The following SYT1 variants were observed in gnomAD, a reference collection of about 807,000 sequenced individuals.
The protein encoded by SYT1 is synaptotagmin 1.
SYT1 carries 8 observed loss-of-function variants against 44.8 expected under a neutral mutation model. The ratio of observed to expected loss-of-function variants is 0.18; its 90% confidence interval spans 0.10 to 0.32. The LOEUF (loss-of-function observed/expected upper bound fraction) is 0.32, where lower values mean the gene tolerates loss of function less well. SYT1 is among the 10% of genes least tolerant of loss of function. The probability of loss-of-function intolerance (pLI) is 1.00; values close to 1 mark genes in which losing one functional copy is unlikely to be tolerated. For missense variants in SYT1, 286 were observed against 509.3 expected, an observed-to-expected ratio of 0.56 and a Z score of 4.22; for synonymous variants, 154 against 188.8, an observed-to-expected ratio of 0.82 and a Z score of 1.51.
chr12:79,311,141 G>C (rs867860109), intron 8 of SYT1, among the ~76,000 whole-genome samples: 1 of 152,186 alleles, frequency 6.6e-6, no homozygotes, highest in South Asian at 2.1e-4. Flanking sequence ...GTATGATATT[G>C]GCTGTGGGTT....
chr12:79,364,559 G>A (rs1459491529), intron 9 of SYT1, among the ~76,000 whole-genome samples: 1 of 152,026 alleles, frequency 6.6e-6, no homozygotes, highest in African/African-American at 2.4e-5. Context: ...ATGATGACTG[G>A]ACAACTAGGA....
At chr12:78,973,933 AAAAAAATAT>A (rs1868589750) in intron 1 of SYT1, among the ~76,000 whole-genome samples, 1 of 28,710 alleles carries the variant, frequency 3.5e-5, no homozygotes, top group African/African-American at 1.8e-4. Flanking sequence ...AAAAAAAAAA[AAAAAAATAT>A]ATATATATAT....
intron 3 of SYT1, among the ~76,000 whole-genome samples, chr12:79,213,778 A>G (rs1874612449): frequency 6.6e-6 from 1 of 152,160 alleles, no homozygotes; most frequent in Admixed American, 6.5e-5. Flanking sequence ...TACAAAAATT[A>G]GTCAGGTGTG....
intron 1 of SYT1, among the ~76,000 whole-genome samples, chr12:78,924,008 A>G (rs1014947404): frequency 6.6e-6 from 1 of 151,944 alleles, no homozygotes; most frequent in Admixed American, 6.6e-5. Context: ...CCTCAATCTT[A>G]ATTTGCGTTT....
intron 9 of SYT1, among the ~76,000 whole-genome samples, chr12:79,376,552 T>G (rs1884003907): frequency 6.6e-6 from 1 of 152,176 alleles, no homozygotes; most frequent in South Asian, 2.1e-4. Context: ...ATGACCTGTA[T>G]TTTATGCTGA....
chr12:79,141,425 A>C (rs1432148381), intron 3 of SYT1, among the ~76,000 whole-genome samples: 1 of 152,136 alleles, frequency 6.6e-6, no homozygotes. Flanking sequence ...AATATATATA[A>C]TATTAGACAT....
At chr12:79,236,475 G>A (rs1876198093) in intron 4 of SYT1, among the ~76,000 whole-genome samples, 1 of 152,064 alleles carries the variant, frequency 6.6e-6, no homozygotes, top group South Asian at 2.1e-4. Context: ...TCTCTGTATA[G>A]TCAAACCTCC....
At chr12:79,257,391 G>C (rs1877580271) in intron 4 of SYT1, among the ~76,000 whole-genome samples, 1 of 152,214 alleles carries the variant, frequency 6.6e-6, no homozygotes, top group Non-Finnish European at 1.5e-5. Context: ...ACTACAGTGA[G>C]GTCACACTTT....
At chr12:79,163,027 A>G (rs1381919751) in intron 3 of SYT1, among the ~76,000 whole-genome samples, 3 of 152,110 alleles carry the variant, frequency 2.0e-5, no homozygotes, top group Non-Finnish European at 4.4e-5. Context: ...GAATTGATCC[A>G]TAATTAGAAT....
chr12:79,446,291 A>G (rs1870734369), intron 10 of SYT1, among the ~76,000 whole-genome samples: 1 of 151,718 alleles, frequency 6.6e-6, no homozygotes, highest in Admixed American at 6.6e-5. Context: ...ATTATTATTC[A>G]CATGCTAATG....
chr12:79,012,131 C>CAA (rs374383589), intron 2 of SYT1, among the ~76,000 whole-genome samples: 10,227 of 73,224 alleles, frequency 0.14, 643 homozygotes, highest in African/African-American at 0.24. Flanking sequence ...GATTCTGTCT[C>CAA]AAAAAAAAAA....
chr12:79,024,591 A>G (rs1416688142), intron 2 of SYT1, among the ~76,000 whole-genome samples: 4 of 151,830 alleles, frequency 2.6e-5, no homozygotes, highest in Non-Finnish European at 5.9e-5. Context: ...ACTTACAGAT[A>G]AGAATGATGT....
chr12:79,151,220 A>T (rs1416536984), intron 3 of SYT1, among the ~76,000 whole-genome samples: 1 of 152,218 alleles, frequency 6.6e-6, no homozygotes, highest in Non-Finnish European at 1.5e-5. Flanking sequence ...TTATGACCAG[A>T]GGAACTTCCA....
chr12:79,191,235 A>G (rs1027009669), intron 3 of SYT1, among the ~76,000 whole-genome samples: 1 of 152,108 alleles, frequency 6.6e-6, no homozygotes, highest in Non-Finnish European at 1.5e-5. Context: ...CAACGTAACT[A>G]CATACCAATT....
intron 8 of SYT1, among the ~76,000 whole-genome samples, chr12:79,350,355 C>T (rs1196001925): frequency 2.0e-5 from 3 of 151,134 alleles, no homozygotes; most frequent in Admixed American, 2.0e-4. Flanking sequence ...CGGGTTCACA[C>T]CATTCTCCTG....
chr12:79,240,274 A>G (rs1592887031), intron 4 of SYT1, among the ~76,000 whole-genome samples: 2 of 152,214 alleles, frequency 1.3e-5, no homozygotes, highest in African/African-American at 4.8e-5. Flanking sequence ...AATAGTGTCA[A>G]TTGGCACTAC....
intron 3 of SYT1, among the ~76,000 whole-genome samples, chr12:79,165,719 A>G (rs1395430677): frequency 1.3e-5 from 2 of 151,998 alleles, no homozygotes; most frequent in Admixed American, 6.6e-5. Flanking sequence ...TCCTTATAAC[A>G]TAACTTAATC....
chr12:78,913,393 T>A (rs7958894), intron 1 of SYT1, among the ~76,000 whole-genome samples: 116,455 of 151,050 alleles, frequency 0.77, 45,528 homozygotes, highest in African/African-American at 0.89. Context: ...AGAAACAATT[T>A]TTAAACTTCT....
chr12:79,299,345 T>C, intron 7 of SYT1, 39 bp from the exon 8 acceptor site: 1 of 1,604,940 alleles, frequency 6.2e-7, no homozygotes, highest in Non-Finnish European at 8.5e-7. Flanking sequence ...TTAAGCATTT[T>C]TGTGACTGGA....
Sources: gnomAD v4.1 joint callset for allele counts (sites outside exome capture counted in the v4.1 genomes callset) on GRCh38, gnomAD v4.1.1 for gene constraint, MANE v1.5 for transcripts, NCBI Gene and HGNC (gene_info 2026-07-23, HGNC 2026-07-21) for gene names.